SKI: variants seen among roughly 807,000 people sequenced by gnomAD.
The protein encoded by SKI is SKI proto-oncogene.
In SKI, 23 loss-of-function variants were observed where a neutral mutation model predicts 59.3. The observed-to-expected ratio is 0.39, with a 90% CI of 0.28 to 0.55. The LOEUF is 0.55. Ranked by LOEUF, SKI falls within the 20% of genes least tolerant of loss-of-function variation. The pLI, the probability that SKI is intolerant of heterozygous loss-of-function variation, is 0.67. For missense variants in SKI, 1,017 were observed against 1,038.9 expected (o/e 0.98, Z 0.29); for synonymous variants, 673 against 488.6 (o/e 1.38, Z -4.98).
At chr1:2,260,430 C>G (rs148118486) in intron 1 of SKI, among the ~76,000 whole-genome samples, 14 of 151,890 alleles carry the variant, frequency 9.2e-5, no homozygotes, top group Non-Finnish European at 1.5e-4. Flanking sequence ...TTGCGCCTTA[C>G]GTAGACTTTG....
rs374078433 is a variant in SKI, at chr1:2,306,183, C to T, written c.1931C>T (p.Ala644Val). Residue 644 changes from alanine to valine, a missense_variant, in exon 6 of 7, where the codon GCG becomes GTG. Ala to Val is a moderately conservative substitution (Grantham distance 64). Coordinates refer to ENST00000378536, the MANE Select transcript of SKI (RefSeq NM_003036.4). ...RLRLKRELEQ[A>V]RQARVCDKGC... The stretch of plus-strand genomic sequence containing the variant: ...CGCCTGAAGCGGGAGCTGGAGCAGG[C>T]GCGGCAGGCCCGGGTGTGCGACAAG... 4 of 1,587,194 alleles carry T rather than the reference C, an allele frequency of 2.5e-6. No homozygotes were observed. Among genetic ancestry groups the T allele is most frequent in the Middle Eastern group, 1.7e-4 (1 of 6,020 alleles).
intron 1 of SKI, among the ~76,000 whole-genome samples, chr1:2,289,508 G>T (rs1214817245): frequency 7.1e-6 from 1 of 140,158 alleles, no homozygotes; most frequent in Admixed American, 7.1e-5. Flanking sequence ...GGGGTGGGGG[G>T]GTGCAGGGCA....
chr1:2,264,285 T>C (rs1639451796), intron 1 of SKI, among the ~76,000 whole-genome samples: 1 of 152,208 alleles, frequency 6.6e-6, no homozygotes, highest in Admixed American at 6.5e-5. Flanking sequence ...AATTTATTTA[T>C]TTGAGATGGA....
intron 1 of SKI, among the ~76,000 whole-genome samples, chr1:2,236,820 G>A (rs1213811016): frequency 6.6e-6 from 1 of 152,212 alleles, no homozygotes; most frequent in Admixed American, 6.5e-5. Context: ...CTTGGCTGGT[G>A]AGGCTGAGTG....
intron 1 of SKI, among the ~76,000 whole-genome samples, chr1:2,257,400 C>T (rs1287619853): frequency 6.6e-6 from 1 of 152,238 alleles, no homozygotes; most frequent in Non-Finnish European, 1.5e-5. Flanking sequence ...GCGGGCCAGC[C>T]CCGATCCTGC....
At chr1:2,243,201 C>T (rs74565641) in intron 1 of SKI, among the ~76,000 whole-genome samples, 8 of 152,302 alleles carry the variant, frequency 5.3e-5, no homozygotes, top group Non-Finnish European at 8.8e-5. Context: ...GGGCATGGGC[C>T]GTGTTTTGGT....
At chr1:2,274,604 C>T (rs546806389) in intron 1 of SKI, among the ~76,000 whole-genome samples, 5 of 152,376 alleles carry the variant, frequency 3.3e-5, no homozygotes, top group East Asian at 1.9e-4. Flanking sequence ...CACCTGGCCA[C>T]GTCCCTCTAA....
chr1:2,249,715 C>G (rs555040668), intron 1 of SKI, among the ~76,000 whole-genome samples: 1 of 152,220 alleles, frequency 6.6e-6, no homozygotes, highest in Non-Finnish European at 1.5e-5. Flanking sequence ...ACTCACTGGC[C>G]GCGGCCTCAT....
intron 1 of SKI, among the ~76,000 whole-genome samples, chr1:2,255,937 G>C (rs901196565): frequency 1.4e-5 from 2 of 146,294 alleles, no homozygotes; most frequent in Non-Finnish European, 3.0e-5. Context: ...TTTCCTGTCT[G>C]TGTCACTCTG....
chr1:2,251,175 C>T (rs1420205359), intron 1 of SKI, among the ~76,000 whole-genome samples: 2 of 152,122 alleles, frequency 1.3e-5, no homozygotes, highest in Non-Finnish European at 2.9e-5. Flanking sequence ...TGTAGTAGCG[C>T]TGCGGACCGT....
intron 1 of SKI, among the ~76,000 whole-genome samples, chr1:2,272,432 TG>T (rs1639645204): frequency 6.6e-6 from 1 of 152,164 alleles, no homozygotes; most frequent in Non-Finnish European, 1.5e-5. Context: ...GCTGGGGGGT[TG>T]GGGAGACGGC....
chr1:2,303,366 C>G lies in SKI; in HGVS notation c.1177C>G (p.Leu393Val), dbSNP rs768838307. 6.2e-7 allele frequency: 1 copy of G among 1,613,664 alleles called. No homozygotes were observed. The highest frequency in any genetic ancestry group is 1.1e-5 in the South Asian group (1 of 91,086). Residue 393 changes from leucine (L) to valine (V), a missense_variant, in exon 3 of 7, where the codon CTC (leucine) becomes GTC (valine). Physicochemically the swap from Leu to Val is conservative, Grantham distance 32. Transcript: ENST00000378536. The surrounding 1 kb of genome is among the most constrained non-coding windows in gnomAD (Gnocchi z 5.6). ...CGCAGTGTCAGCGAGTGAGAAAGAGCTCTCCCCACACCTCCCGGCCCTCAT... is the reference window on the plus strand; with the variant it reads ...CGCAGTGTCAGCGAGTGAGAAAGAGGTCTCCCCACACCTCCCGGCCCTCAT... Reference protein sequence around the residue: ...SPAVSASEKELSPHLPALIRD... With the variant: ...SPAVSASEKEVSPHLPALIRD...
intron 1 of SKI, among the ~76,000 whole-genome samples, chr1:2,275,755 A>G (rs1639728292): frequency 6.6e-6 from 1 of 152,080 alleles, no homozygotes. Context: ...CTTGTGATCC[A>G]CCCACCTCGG....
rs139179843 is a variant in SKI, at chr1:2,229,406, A to G, written c.640A>G (p.Ser214Gly). ...CAGCCTGGCGCTGGGCCTGGAGCTC[A>G]GCGAGCGCAGCGTCCGCGTGTACCA... ...AASLALGLELSERSVRVYHEC... is the reference protein window; with the variant it reads ...AASLALGLELGERSVRVYHEC... Residue 214 changes from serine (S) to glycine (G), a missense_variant, in exon 1 of 7, where the codon AGC becomes GGC. Transcript: ENST00000378536. This position sits in a 1 kb window ranked among gnomAD's most constrained non-coding sequence, Gnocchi z 6.3. 2.9e-4 allele frequency: 472 copies of G among 1,609,264 alleles called. 1 individual carries two copies. Among genetic ancestry groups the G allele is most frequent in the Non-Finnish European group, 3.6e-4 (428 of 1,178,264 alleles).
rs1172418949 is a variant in SKI at position 2,238,867 on chromosome 1, T to C, written c.969+9132T>C. Among the ~76,000 whole-genome samples, 3 of 152,220 alleles carry C rather than the reference T, an allele frequency of 2.0e-5. No homozygotes were observed. The South Asian group carries it at 6.2e-4, about 31-fold the overall frequency. On this transcript the variant is annotated intron_variant, in intron 1 of 6. Transcript: ENST00000378536. ...GCACTGAAGCCTGCCCCAGGCTGCC[T>C]TCTGGGTTAGGGATACCCAGGACCT... is the stretch of plus-strand genomic sequence containing the variant.
Position 2,241,399 on chromosome 1 carries a change from T to A in SKI, c.969+11664T>A, listed in dbSNP as rs55996607. On this transcript the variant is annotated intron_variant, in intron 1 of 6. Transcript: ENST00000378536. Reference sequence around the variant, plus strand: ...ATTTTGAGGGGGAGGGATTGTAATTTTTTTTTTCTTTGAGACTGAGTCCTG... The same window carrying A: ...ATTTTGAGGGGGAGGGATTGTAATTATTTTTTTCTTTGAGACTGAGTCCTG... Among the ~76,000 whole-genome samples, 772 of 152,256 alleles carry A rather than the reference T, an allele frequency of 5.1e-3. 3 individuals are homozygous for A. The highest frequency in any genetic ancestry group is 8.3e-3 in the Non-Finnish European group (564 of 68,008).
rs763704517 is a variant in SKI at position 2,303,812 on chromosome 1, C to T, written c.1212-28C>T. On this transcript the variant is annotated intron_variant, in intron 3 of 6. Coordinates refer to ENST00000378536, the MANE Select transcript of SKI (RefSeq NM_003036.4). The surrounding 1 kb of genome is among the most constrained non-coding windows in gnomAD (Gnocchi z 5.6). ...TGGGTGGTGCTTGGGGACAGAGGCA[C>T]CTTCCCGACACCCGCCTGCCCCTCC... The T allele has an allele frequency of 1.5e-5, 24 of 1,610,866 alleles. 1 individual carries two copies. In the South Asian group the frequency reaches 2.5e-4, roughly 17 times the overall value.
chr1:2,283,526 C>T (rs182752854), intron 1 of SKI, among the ~76,000 whole-genome samples: 16 of 152,336 alleles, frequency 1.1e-4, no homozygotes, highest in East Asian at 5.8e-4. Flanking sequence ...ATCGTGCTGT[C>T]GCTGTGGATT....
chr1:2,296,757 T>TC (rs1640296610), intron 1 of SKI, among the ~76,000 whole-genome samples: 1 of 152,188 alleles, frequency 6.6e-6, no homozygotes, highest in Non-Finnish European at 1.5e-5. Flanking sequence ...TGTTGTGTTT[T>TC]CTCTCTGTTC....
Sources: gnomAD v4.1 joint callset for allele counts (sites outside exome capture counted in the v4.1 genomes callset) on GRCh38, gnomAD v4.1.1 for gene constraint, Gnocchi (gnomAD v3.1) non-coding constraint, MANE v1.5 for transcripts, NCBI Gene and HGNC (gene_info 2026-07-23, HGNC 2026-07-21) for gene names.